Variants in MGAT4C observed in about 807,000 individuals in gnomAD.
MGAT4C encodes the protein MGAT4 family member C, also known as alpha-1,3-mannosyl-glycoprotein 4-beta-N-acetylglucosaminyltransferase C.
MGAT4C carries 19 observed loss-of-function variants against 40.1 expected under a neutral mutation model. The ratio of observed to expected loss-of-function variants is 0.47; its 90% confidence interval spans 0.33 to 0.70. MGAT4C has a LOEUF of 0.70. Ranked by LOEUF, MGAT4C falls within the 30% of genes least tolerant of loss-of-function variation. The pLI is 0.02. For missense variants in MGAT4C, 491 were observed against 563.2 expected (o/e 0.87, Z 1.30); for synonymous variants, 181 against 187.1 (o/e 0.97, Z 0.27).
At chr12:86,197,510 C>T (rs1323518072) in intron 1 of MGAT4C, among the ~76,000 whole-genome samples, 1 of 152,126 alleles carries the variant, frequency 6.6e-6, no homozygotes, top group Non-Finnish European at 1.5e-5. Flanking sequence ...GTTCTCTTGC[C>T]CTCTTTCTGC....
intron 1 of MGAT4C, among the ~76,000 whole-genome samples, chr12:86,247,335 A>G (rs1952079349): frequency 6.6e-6 from 1 of 152,192 alleles, no homozygotes; most frequent in South Asian, 2.1e-4. Flanking sequence ...ACTTTTTGCA[A>G]TCTTCTGTTT....
At chr12:86,412,898 G>T (rs1956633637) in intron 3 of MGAT4C, among the ~76,000 whole-genome samples, 1 of 152,116 alleles carries the variant, frequency 6.6e-6, no homozygotes, top group South Asian at 2.1e-4. Flanking sequence ...TCCTCCTTGA[G>T]GTTCTCACGA....
chr12:86,563,793 G>A (rs1959972072), intron 2 of MGAT4C, among the ~76,000 whole-genome samples: 6 of 152,186 alleles, frequency 3.9e-5, no homozygotes, highest in Admixed American at 3.9e-4. Flanking sequence ...GCTTATGGAG[G>A]TCAGGTAATT....
At chr12:86,828,424 C>T (rs1952851234) in intron 1 of MGAT4C, among the ~76,000 whole-genome samples, 1 of 151,328 alleles carries the variant, frequency 6.6e-6, no homozygotes, top group Non-Finnish European at 1.5e-5. Flanking sequence ...ACTTTCATAA[C>T]AAACTTTTAA....
At chr12:85,992,794 C>T (rs922315230) in intron 2 of MGAT4C, among the ~76,000 whole-genome samples, 3 of 152,172 alleles carry the variant, frequency 2.0e-5, no homozygotes, top group African/African-American at 7.2e-5. Flanking sequence ...GTCCAAGGTC[C>T]CATGTGCTGG....
chr12:86,804,587 A>T (rs904212524), intron 1 of MGAT4C, among the ~76,000 whole-genome samples: 4 of 151,948 alleles, frequency 2.6e-5, no homozygotes, highest in Admixed American at 6.6e-5. Context: ...AATACCTCAT[A>T]TGCACACATA....
intron 2 of MGAT4C, among the ~76,000 whole-genome samples, chr12:86,470,540 T>C (rs1242620494): frequency 6.6e-6 from 1 of 152,168 alleles, no homozygotes; most frequent in Non-Finnish European, 1.5e-5. Flanking sequence ...CTCTAATGTG[T>C]TCTTGCAGCT....
chr12:86,192,671 G>A (rs1889656277), intron 1 of MGAT4C, among the ~76,000 whole-genome samples: 1 of 152,134 alleles, frequency 6.6e-6, no homozygotes, highest in Non-Finnish European at 1.5e-5. Flanking sequence ...TGAGGAATGT[G>A]TTTATTGCTT....
At chr12:86,806,844 T>C (rs1044703208) in intron 1 of MGAT4C, among the ~76,000 whole-genome samples, 2 of 150,592 alleles carry the variant, frequency 1.3e-5, no homozygotes, top group Admixed American at 6.7e-5. Context: ...CATCACACAC[T>C]GGGGCCTGTT....
chr12:86,420,186 T>C (rs1056160794), intron 3 of MGAT4C, among the ~76,000 whole-genome samples: 14 of 151,986 alleles, frequency 9.2e-5, no homozygotes, highest in Non-Finnish European at 1.9e-4. Context: ...GAGACCACCC[T>C]TGGCAACATG....
At position 86,307,995 on chromosome 12, in the gene MGAT4C, G is replaced by A. The variant is rs181047502; in HGVS notation, c.-57+26070C>T. Among the ~76,000 whole-genome samples the A allele has an allele frequency of 1.3e-5, 2 of 150,606 alleles. 1 individual carries two copies. Among genetic ancestry groups the A allele is most frequent in the African/African-American group, 5.0e-5 (2 of 40,092 alleles). ...TGGGATTACAGGCGTGAGCCACCGC[G>A]CCCGACCATTTGGGTACAATTTTTT... On this transcript the variant is annotated intron_variant, in intron 4 of 7. Coordinates refer to the MGAT4C transcript ENST00000548651.
chr12:86,550,225 C>T (rs1959281763), intron 2 of MGAT4C, among the ~76,000 whole-genome samples: 2 of 152,110 alleles, frequency 1.3e-5, no homozygotes, highest in South Asian at 4.1e-4. Flanking sequence ...AACTGTGAGT[C>T]AATTAAACCT....
chr12:86,539,476 A>G (rs1240676880), intron 2 of MGAT4C, among the ~76,000 whole-genome samples: 1 of 152,198 alleles, frequency 6.6e-6, no homozygotes, highest in Non-Finnish European at 1.5e-5. Context: ...TAGTGCCGCA[A>G]TAAACATACG....
intron 3 of MGAT4C, among the ~76,000 whole-genome samples, chr12:85,987,116 ATTTTTTTTTTTTTTTTTTTT>A (rs869139864): frequency 6.2e-4 from 46 of 73,830 alleles, no homozygotes; most frequent in African/African-American, 2.0e-3. Flanking sequence ...TAAAATAATA[ATTTTTTTTTTTTTTTTTTTT>A]TTTTTTTTTT....
intron 4 of MGAT4C, among the ~76,000 whole-genome samples, chr12:86,273,105 G>T (rs1027148120): frequency 6.6e-6 from 1 of 151,600 alleles, no homozygotes; most frequent in African/African-American, 2.4e-5. Flanking sequence ...TAGCAAGCAG[G>T]ATTGGAGAAA....
chr12:86,059,874 C>A (rs1893769560), intron 1 of MGAT4C, among the ~76,000 whole-genome samples: 1 of 149,264 alleles, frequency 6.7e-6, no homozygotes, highest in South Asian at 2.1e-4. Flanking sequence ...ACACTGTCTA[C>A]CTTAAAATAC....
chr12:86,107,663 C>G (rs544778260), intron 1 of MGAT4C, among the ~76,000 whole-genome samples: 1 of 151,994 alleles, frequency 6.6e-6, no homozygotes, highest in Non-Finnish European at 1.5e-5. Flanking sequence ...TACTAATATG[C>G]TATATTTTCT....
chr12:86,832,326 G>A (rs972801324), intron 1 of MGAT4C, among the ~76,000 whole-genome samples: 3 of 151,628 alleles, frequency 2.0e-5, no homozygotes, highest in Admixed American at 6.6e-5. Flanking sequence ...AACTAAGCAT[G>A]GACTTATTTA....
At chr12:86,332,455 A>T (rs1013973959) in intron 4 of MGAT4C, among the ~76,000 whole-genome samples, 1 of 152,016 alleles carries the variant, frequency 6.6e-6, no homozygotes, top group Non-Finnish European at 1.5e-5. Flanking sequence ...AAATCTCTCA[A>T]GTCACTCAAG....
Sources: gnomAD v4.1 joint callset for allele counts (sites outside exome capture counted in the v4.1 genomes callset) on GRCh38, gnomAD v4.1.1 for gene constraint, MANE v1.5 for transcripts, NCBI Gene and HGNC (gene_info 2026-07-23, HGNC 2026-07-21) for gene names.